The following XKR4 variants were observed in gnomAD, a reference collection of about 807,000 sequenced individuals.
XKR4 encodes XK related 4.
Under a neutral mutation model 53.9 loss-of-function variants are expected in XKR4, and 12 were observed. That is an observed-to-expected ratio of 0.22 (90% CI 0.14 to 0.36). The LOEUF (loss-of-function observed/expected upper bound fraction) is 0.36, where lower values mean the gene tolerates loss of function less well. XKR4 is among the 10% of genes least tolerant of loss of function. The pLI is 1.00. For synonymous variants in XKR4, 354 were observed against 362.4 expected, an observed-to-expected ratio of 0.98 and a Z score of 0.26; for missense variants, 799 against 859.5, an observed-to-expected ratio of 0.93 and a Z score of 0.88.
intron 1 of XKR4, among the ~76,000 whole-genome samples, chr8:55,146,277 T>A (rs1816772470): frequency 6.6e-6 from 1 of 152,192 alleles, no homozygotes; most frequent in Non-Finnish European, 1.5e-5. Flanking sequence ...TTGGCAGAGA[T>A]GACTGACGGG....
intron 1 of XKR4, among the ~76,000 whole-genome samples, chr8:55,178,191 T>G (rs772442362): frequency 1.3e-5 from 2 of 152,222 alleles, no homozygotes; most frequent in Non-Finnish European, 2.9e-5. Flanking sequence ...AAGCAGAGAA[T>G]GTTATTCCTT....
intron 1 of XKR4, among the ~76,000 whole-genome samples, chr8:55,202,302 C>A (rs1394021873): frequency 6.6e-6 from 1 of 152,132 alleles, no homozygotes; most frequent in African/African-American, 2.4e-5. Flanking sequence ...TTTATGGAAC[C>A]AGAGTGGGAT....
chr8:55,245,386 G>A (rs975185606), intron 1 of XKR4, among the ~76,000 whole-genome samples: 1 of 151,524 alleles, frequency 6.6e-6, no homozygotes, highest in African/African-American at 2.4e-5. Flanking sequence ...TTGTAGCGGG[G>A]GAAAATTACA....
chr8:55,424,328 T>G (rs1804980245), intron 2 of XKR4, among the ~76,000 whole-genome samples: 2 of 152,234 alleles, frequency 1.3e-5, no homozygotes, highest in Admixed American at 1.3e-4. Context: ...ATTGTTATAG[T>G]CAACATTTTT....
intron 2 of XKR4, among the ~76,000 whole-genome samples, chr8:55,413,240 T>G (rs1161679850): frequency 2.0e-5 from 3 of 152,244 alleles, no homozygotes; most frequent in Non-Finnish European, 4.4e-5. Flanking sequence ...TTTTTCTTTT[T>G]TAAATGGAGT....
intron 2 of XKR4, among the ~76,000 whole-genome samples, chr8:55,444,096 G>A (rs767900004): frequency 1.3e-5 from 2 of 152,106 alleles, no homozygotes; most frequent in Admixed American, 6.5e-5. Flanking sequence ...ACTTGAACCT[G>A]GGAGGTGGAG....
At chr8:55,189,112 C>G (rs905900508) in intron 1 of XKR4, among the ~76,000 whole-genome samples, 1 of 152,042 alleles carries the variant, frequency 6.6e-6, no homozygotes, top group African/African-American at 2.4e-5. Flanking sequence ...ATCCTGGGCT[C>G]CTAAGTTGAA....
chr8:55,396,481 A>G (rs1416015365), intron 2 of XKR4, among the ~76,000 whole-genome samples: 1 of 135,934 alleles, frequency 7.4e-6, no homozygotes, highest in African/African-American at 2.9e-5. Flanking sequence ...TGAGAGCTTC[A>G]GCTGGCTAAA....
At chr8:55,353,907 G>C (rs371984498) in intron 1 of XKR4, among the ~76,000 whole-genome samples, 8 of 152,176 alleles carry the variant, frequency 5.3e-5, no homozygotes, top group African/African-American at 1.9e-4. Flanking sequence ...AGTTCATACA[G>C]AGCAGCCAAA....
chr8:55,307,369 G>T (rs960436065), intron 1 of XKR4, among the ~76,000 whole-genome samples: 1 of 152,136 alleles, frequency 6.6e-6, no homozygotes, highest in Non-Finnish European at 1.5e-5. Context: ...TATACAGGAG[G>T]GGTGCAGTGG....
chr8:55,337,422 A>G (rs1156463093), intron 1 of XKR4, among the ~76,000 whole-genome samples: 1 of 152,172 alleles, frequency 6.6e-6, no homozygotes, highest in Non-Finnish European at 1.5e-5. Flanking sequence ...ATGATATTTT[A>G]TGAATCAGGG....
chr8:55,160,128 G>A (rs1429015667), intron 1 of XKR4, among the ~76,000 whole-genome samples: 2 of 152,186 alleles, frequency 1.3e-5, no homozygotes, highest in Non-Finnish European at 2.9e-5. Context: ...AAGCATAAGG[G>A]TGTAGTCATG....
intron 1 of XKR4, among the ~76,000 whole-genome samples, chr8:55,224,587 T>C (rs925377482): frequency 3.9e-5 from 6 of 152,212 alleles, no homozygotes; most frequent in African/African-American, 1.4e-4. Flanking sequence ...TATGGAACTT[T>C]AATTTCATGA....
intron 2 of XKR4, among the ~76,000 whole-genome samples, chr8:55,401,138 C>G (rs1408596097): frequency 6.6e-6 from 1 of 152,228 alleles, no homozygotes; most frequent in African/African-American, 2.4e-5. Flanking sequence ...CATTTGCACA[C>G]TGACTCCCCA....
In XKR4 at chr8:55,217,199, G is replaced by A. The variant is rs200344649; in HGVS notation, c.806+113905G>A. Among the ~76,000 whole-genome samples, 1,260 of 130,968 alleles carry A rather than the reference G, an allele frequency of 9.6e-3. 14 individuals carry two copies. Among genetic ancestry groups the A allele is most frequent in the Middle Eastern group, 0.062 (9 of 146 alleles). The allele number at this position is 130,968 out of a possible 152,430, so 85.9% of individuals were successfully genotyped here. A position where few individuals can be genotyped will look rare whatever the true frequency, so the allele number is the denominator to read the frequency against. On this transcript the variant is annotated intron_variant, in intron 1 of 2. Coordinates refer to ENST00000327381, the MANE Select transcript of XKR4 (RefSeq NM_052898.2). ...AGAGCTTGCAGTGAGCCAAGATCGC[G>A]CCACTGCACTCCAGCCTGGGCAACA...
intron 1 of XKR4, among the ~76,000 whole-genome samples, chr8:55,252,304 T>G (rs890592413): frequency 6.6e-6 from 1 of 152,196 alleles, no homozygotes; most frequent in African/African-American, 2.4e-5. Flanking sequence ...TGCTGAAACC[T>G]CCTATTTAAA....
intron 2 of XKR4, among the ~76,000 whole-genome samples, chr8:55,397,976 C>G (rs1026727460): frequency 6.6e-6 from 1 of 152,176 alleles, no homozygotes. Context: ...TGTGTCACAG[C>G]ATTATTTGAA....
At chr8:55,107,508 A>G (rs925487613) in intron 1 of XKR4, among the ~76,000 whole-genome samples, 3 of 152,196 alleles carry the variant, frequency 2.0e-5, no homozygotes, top group Non-Finnish European at 4.4e-5. Flanking sequence ...ACAGTAAAAC[A>G]GAGACTTGAG....
chr8:55,358,647 T>C (rs1803855207), intron 2 of XKR4, among the ~76,000 whole-genome samples: 2 of 152,152 alleles, frequency 1.3e-5, no homozygotes, highest in African/African-American at 4.8e-5. Context: ...CATGGGCACA[T>C]GGATGATGGA....
Sources: gnomAD v4.1 joint callset for allele counts (sites outside exome capture counted in the v4.1 genomes callset) on GRCh38, gnomAD v4.1.1 for gene constraint, MANE v1.5 for transcripts, NCBI Gene and HGNC (gene_info 2026-07-23, HGNC 2026-07-21) for gene names.